Variants in TEX11 observed in about 807,000 individuals in gnomAD.
TEX11 encodes the protein testis expressed 11, also known as testis-expressed protein 11.
TEX11 carries 7 observed loss-of-function variants against 84.4 expected under a neutral mutation model. The observed-to-expected ratio is 0.08, with a 90% confidence interval of 0.05 to 0.16. The LOEUF (loss-of-function observed/expected upper bound fraction) is 0.16, where lower values mean the gene tolerates loss of function less well. TEX11 is among the 10% of genes least tolerant of loss of function. TEX11 has a pLI of 1.00. For synonymous variants in TEX11, 264 were observed against 222.8 expected (o/e 1.18, Z -1.64); for missense variants, 551 against 660.5 (o/e 0.83, Z 1.82).
chrX:70,546,890 T>A lies in TEX11; in HGVS notation c.2520+5236A>T, dbSNP rs112070699. ...ATTCAAGAGAATTAAACACATATGC[T>A]CACAAAAACACTTGCACATGAATAT... On this transcript the variant is annotated intron_variant, in intron 28 of 29. Transcript: ENST00000374333. 9.3e-3 allele frequency among the ~76,000 whole-genome samples: 1,017 copies of A among 109,409 alleles called. 19 individuals carry two copies. The highest frequency in any genetic ancestry group is 0.032 in the African/African-American group (950 of 30,107).
intron 14 of TEX11, among the ~76,000 whole-genome samples, chrX:70,679,813 C>T (rs1200576079): frequency 9.8e-6 from 1 of 102,020 alleles, no homozygotes; most frequent in Admixed American, 1.0e-4. Context: ...CCAGCCGCCC[C>T]GTCCGGGAGG....
chrX:70,630,662 A>C (rs971303497), intron 17 of TEX11, among the ~76,000 whole-genome samples: 4 of 112,189 alleles, frequency 3.6e-5, no homozygotes, highest in African/African-American at 6.5e-5. Context: ...ATTTAAATCT[A>C]TGTGTATCAA....
At chrX:70,842,330 C>T (rs140002515) in intron 7 of TEX11, among the ~76,000 whole-genome samples, 32,862 of 110,216 alleles carry the variant, frequency 0.3, 3,789 homozygotes, top group Admixed American at 0.45. Context: ...ATTCAACATA[C>T]GCAAATCAAT....
intron 9 of TEX11, among the ~76,000 whole-genome samples, chrX:70,799,878 C>T (rs2091176833): frequency 9.0e-6 from 1 of 111,689 alleles, no homozygotes; most frequent in African/African-American, 3.2e-5. Flanking sequence ...ATGGTGTTGG[C>T]TATTATTTGT....
At chrX:70,515,277 C>G in the TEX11 span, among the ~76,000 whole-genome samples, 982 of 105,003 alleles carry the variant, frequency 9.4e-3, 4 homozygotes, top group Non-Finnish European at 0.015. Flanking sequence ...CACCCCCCCC[C>G]ACCCCACAAC....
chrX:70,589,070 T>C (rs1689495141), intron 25 of TEX11, among the ~76,000 whole-genome samples: 1 of 111,042 alleles, frequency 9.0e-6, no homozygotes. Flanking sequence ...CTGTTTGGGA[T>C]GATGAAAAAA....
At chrX:70,530,423 T>C (rs1283731034) in intron 28 of TEX11, among the ~76,000 whole-genome samples, 1 of 111,967 alleles carries the variant, frequency 8.9e-6, no homozygotes, top group African/African-American at 3.2e-5. Context: ...TAGTCCATAT[T>C]TGGAGTAGAA....
intron 8 of TEX11, among the ~76,000 whole-genome samples, chrX:70,808,851 T>C (rs2091236245): frequency 1.8e-5 from 2 of 111,914 alleles, no homozygotes; most frequent in African/African-American, 6.5e-5. Flanking sequence ...AAATTTTATA[T>C]CCAGTGAAAG....
chrX:70,756,895 C>T (rs1337945488), intron 9 of TEX11, among the ~76,000 whole-genome samples: 1 of 111,762 alleles, frequency 8.9e-6, no homozygotes, highest in African/African-American at 3.3e-5. Context: ...AACTGGCTAA[C>T]CAGAATAAAC....
Position 70,895,780 on chromosome X carries a change from C to T in TEX11, c.37+11973G>A, listed in dbSNP as rs374907366. ...AAAGCAAGCAATGGGGAAAGGATTC[C>T]CTATTTAATAAATGGTGCCAGGAAA... On this transcript the variant is annotated intron_variant, in intron 2 of 29. Transcript: ENST00000374333. Among the ~76,000 whole-genome samples the T allele has an allele frequency of 2.7e-5, 3 of 111,977 alleles. No homozygotes were observed. In the East Asian group the frequency reaches 8.4e-4, roughly 31 times the overall value.
chrX:70,840,013 T>C (rs902538397), intron 7 of TEX11, among the ~76,000 whole-genome samples: 3 of 111,908 alleles, frequency 2.7e-5, no homozygotes, highest in African/African-American at 9.7e-5. Context: ...TTGGTGTAGC[T>C]GAAAGTGATG....
intron 13 of TEX11, among the ~76,000 whole-genome samples, chrX:70,686,890 A>G (rs944953684): frequency 9.0e-6 from 1 of 111,307 alleles, no homozygotes; most frequent in Non-Finnish European, 1.9e-5. Context: ...ATGAAACACC[A>G]GTTGCAAGAG....
chrX:70,825,235 C>T (rs969069281), intron 8 of TEX11, among the ~76,000 whole-genome samples: 56 of 109,763 alleles, frequency 5.1e-4, no homozygotes, highest in Middle Eastern at 4.7e-3. Flanking sequence ...GCGCTTGAAC[C>T]CGGGAAATGG....
chrX:70,585,102 C>T (rs190170161), intron 25 of TEX11, among the ~76,000 whole-genome samples: 36 of 112,073 alleles, frequency 3.2e-4, no homozygotes, highest in Middle Eastern at 9.2e-3. Flanking sequence ...GTGTAACTCT[C>T]ACTGTTCACA....
At chrX:70,560,386 G>A (rs959317057) in intron 25 of TEX11, among the ~76,000 whole-genome samples, 3 of 110,883 alleles carry the variant, frequency 2.7e-5, no homozygotes, top group Admixed American at 1.9e-4. Context: ...CCAACCTCAG[G>A]TGATCCACCC....
At chrX:70,653,806 G>T (rs1197542953) in intron 16 of TEX11, among the ~76,000 whole-genome samples, 1 of 112,000 alleles carries the variant, frequency 8.9e-6, no homozygotes, top group East Asian at 2.8e-4. Context: ...TCTTCCATAG[G>T]TGAGTGTATA....
intron 8 of TEX11, among the ~76,000 whole-genome samples, chrX:70,814,112 A>G (rs1445129185): frequency 1.8e-5 from 2 of 111,909 alleles, no homozygotes; most frequent in Non-Finnish European, 3.8e-5. Flanking sequence ...TTTAAAGTTC[A>G]TATGGAACCA....
Position 70,856,583 on chromosome X carries a change from T to C in TEX11, c.325-3255A>G, listed in dbSNP as rs1290158078. 5.4e-5 allele frequency among the ~76,000 whole-genome samples: 6 copies of C among 111,203 alleles called. No individual in the cohort carries two copies. The East Asian group carries it at 1.1e-3, about 21-fold the overall frequency. On this transcript the variant is annotated intron_variant, in intron 5 of 29. Coordinates refer to ENST00000374333, the MANE Select transcript of TEX11 (RefSeq NM_031276.3). ...TGTATTATTTTTTATTGTATTGTTA[T>C]CTTTTTAAGACTTTTTTGGTAATAT...
chrX:70,699,800 T>C (rs191936602), intron 13 of TEX11, among the ~76,000 whole-genome samples: 157 of 111,401 alleles, frequency 1.4e-3, no homozygotes, highest in African/African-American at 4.9e-3. Context: ...CCTTTTATCA[T>C]CTTGGTTTAC....
Sources: gnomAD v4.1 joint callset for allele counts (sites outside exome capture counted in the v4.1 genomes callset) on GRCh38, gnomAD v4.1.1 for gene constraint, MANE v1.5 for transcripts, NCBI Gene and HGNC (gene_info 2026-07-23, HGNC 2026-07-21) for gene names.